CSMD1: variants seen among roughly 807,000 people sequenced by gnomAD.
CSMD1 encodes the protein CUB and Sushi multiple domains 1.
CSMD1 carries 213 observed loss-of-function variants against 417.5 expected under a neutral mutation model. The observed-to-expected ratio is 0.51, with a 90% CI of 0.46 to 0.57. The LOEUF (loss-of-function observed/expected upper bound fraction) is 0.57, where lower values mean the gene tolerates loss of function less well. CSMD1 is among the 20% of genes least tolerant of loss of function. The pLI is 0.00. For synonymous variants in CSMD1, 2,862 were observed against 1,736.8 expected, an observed-to-expected ratio of 1.65 and a Z score of -16.11; for missense variants, 6,923 against 4,529.7, an observed-to-expected ratio of 1.53 and a Z score of -15.17.
intron 18 of CSMD1, among the ~76,000 whole-genome samples, chr8:3,376,854 C>T (rs115133690): frequency 0.015 from 2,266 of 152,018 alleles, 55 homozygotes; most frequent in African/African-American, 0.051. Context: ...ACTTATGTAA[C>T]TTTTGTTGCA....
At chr8:3,097,745 G>GA (rs1815419931) in intron 46 of CSMD1, among the ~76,000 whole-genome samples, 1 of 152,050 alleles carries the variant, frequency 6.6e-6, no homozygotes, top group South Asian at 2.1e-4. Context: ...TTGCAGAATG[G>GA]AAAACCTCGG....
At chr8:4,306,996 GC>G (rs1435057229) in intron 3 of CSMD1, among the ~76,000 whole-genome samples, 2 of 151,924 alleles carry the variant, frequency 1.3e-5, no homozygotes, top group Admixed American at 1.3e-4. Context: ...ATCTGTCACC[GC>G]CCTGGTTCAG....
At chr8:4,159,751 G>C (rs555112226) in intron 3 of CSMD1, among the ~76,000 whole-genome samples, 1 of 152,152 alleles carries the variant, frequency 6.6e-6, no homozygotes, top group Non-Finnish European at 1.5e-5. Flanking sequence ...ACCACGCCCG[G>C]CTAATTTTTT....
intron 1 of CSMD1, among the ~76,000 whole-genome samples, chr8:4,647,423 G>C (rs2617040): frequency 0.52 from 57,677 of 110,104 alleles, 11,783 homozygotes; most frequent in Middle Eastern, 0.68. Flanking sequence ...CGTGTGCCAC[G>C]GCGGCCTGCT....
chr8:4,780,183 G>A (rs756204027), intron 1 of CSMD1, among the ~76,000 whole-genome samples: 3 of 152,176 alleles, frequency 2.0e-5, no homozygotes, highest in African/African-American at 4.8e-5. Context: ...AACCTAGTGC[G>A]CCTATGATAG....
intron 3 of CSMD1, among the ~76,000 whole-genome samples, chr8:4,193,737 T>G (rs1799171574): frequency 6.6e-6 from 1 of 152,052 alleles, no homozygotes; most frequent in South Asian, 2.1e-4. Flanking sequence ...CACAGGAGAA[T>G]GTTTAACAAG....
intron 1 of CSMD1, among the ~76,000 whole-genome samples, chr8:4,706,294 C>T (rs1237532820): frequency 6.6e-6 from 1 of 152,028 alleles, no homozygotes; most frequent in Non-Finnish European, 1.5e-5. Context: ...CATTACCTTA[C>T]ATGTACCCCA....
intron 1 of CSMD1, among the ~76,000 whole-genome samples, chr8:4,748,852 C>T (rs1002125330): frequency 2.0e-4 from 30 of 152,228 alleles, no homozygotes; most frequent in East Asian, 9.6e-4. Context: ...TGTGAACATA[C>T]GCCCCTTCAG....
chr8:2,994,261 G>A (rs764347819), intron 54 of CSMD1, among the ~76,000 whole-genome samples: 4 of 151,758 alleles, frequency 2.6e-5, no homozygotes, highest in Admixed American at 6.6e-5. Flanking sequence ...AGTTGACCTC[G>A]TGTGTACTGA....
chr8:3,906,299 A>C, intron 5 of CSMD1, among the ~76,000 whole-genome samples: 1 of 152,334 alleles, frequency 6.6e-6, no homozygotes, highest in East Asian at 1.9e-4. Flanking sequence ...TAGGGAAAAA[A>C]AAAACCCCAT....
At chr8:3,544,239 G>A (rs1458255438) in intron 10 of CSMD1, among the ~76,000 whole-genome samples, 2 of 152,100 alleles carry the variant, frequency 1.3e-5, no homozygotes, top group African/African-American at 4.8e-5. Context: ...AAAATTAAAA[G>A]TGCCCCGACA....
intron 5 of CSMD1, among the ~76,000 whole-genome samples, chr8:3,783,119 G>C (rs530053880): frequency 3.7e-4 from 57 of 152,126 alleles, no homozygotes; most frequent in African/African-American, 1.3e-3. Context: ...CTCCCTTCTC[G>C]GGATTTATCC....
intron 3 of CSMD1, among the ~76,000 whole-genome samples, chr8:4,067,995 T>C (rs953939235): frequency 1.3e-5 from 2 of 152,054 alleles, no homozygotes; most frequent in African/African-American, 4.8e-5. Context: ...GAGAATCACC[T>C]GAACCCTGAG....
chr8:4,246,121 C>T (rs1802694579), intron 3 of CSMD1, among the ~76,000 whole-genome samples: 1 of 152,074 alleles, frequency 6.6e-6, no homozygotes, highest in Admixed American at 6.6e-5. Flanking sequence ...ATTATTTGAT[C>T]ACCCAGATAT....
intron 8 of CSMD1, among the ~76,000 whole-genome samples, chr8:3,609,376 T>G (rs1801778000): frequency 6.6e-6 from 1 of 152,244 alleles, no homozygotes; most frequent in African/African-American, 2.4e-5. Context: ...ACACTTTGTC[T>G]TTTAGACAGT....
chr8:3,071,321 G>A (rs557369383), intron 49 of CSMD1, among the ~76,000 whole-genome samples: 72 of 152,214 alleles, frequency 4.7e-4, no homozygotes, highest in Non-Finnish European at 8.4e-4. Flanking sequence ...TGGACACAGG[G>A]AAGGGAACAT....
At position 4,200,594 on chromosome 8, in the gene CSMD1, T is replaced by C. The variant is rs192767210; in HGVS notation, c.416-168495A>G. Among the ~76,000 whole-genome samples, 330 of 152,306 alleles carry C rather than the reference T, an allele frequency of 2.2e-3. 1 individual carries two copies. Among genetic ancestry groups the C allele is most frequent in the African/African-American group, 7.7e-3 (319 of 41,568 alleles). On this transcript the variant is annotated intron_variant, in intron 3 of 69. Transcript: ENST00000635120. ...AAATCTTGGCGGGCCTGGAGGCTCA[T>C]GCCTGAAATCCCAGCACTTTGTAGG...
chr8:3,245,737 T>A (rs926067645), intron 26 of CSMD1, among the ~76,000 whole-genome samples: 1 of 152,216 alleles, frequency 6.6e-6, no homozygotes, highest in Admixed American at 6.5e-5. Flanking sequence ...ATCACCCCAA[T>A]TTCTGGGTGG....
At chr8:3,533,507 C>T (rs932892069) in intron 10 of CSMD1, among the ~76,000 whole-genome samples, 2 of 152,128 alleles carry the variant, frequency 1.3e-5, no homozygotes, top group Non-Finnish European at 2.9e-5. Context: ...CAGCTTACTT[C>T]ACTTAGCATC....
Sources: allele counts gnomAD v4.1 joint callset (sites outside exome capture counted in the v4.1 genomes callset), GRCh38; gene constraint gnomAD v4.1.1; transcripts MANE v1.5; gene names NCBI Gene and HGNC (gene_info 2026-07-23, HGNC 2026-07-21).